SUN2: variants seen among roughly 807,000 people sequenced by gnomAD.
SUN2 encodes Sad1 and UNC84 domain containing 2.
SUN2 carries 60 observed loss-of-function variants against 100.0 expected under a neutral mutation model. The ratio of observed to expected loss-of-function variants is 0.60; its 90% CI spans 0.49 to 0.74. The LOEUF (loss-of-function observed/expected upper bound fraction) is 0.74. SUN2 is among the 30% of genes least tolerant of loss of function. The pLI, the probability that SUN2 is intolerant of heterozygous loss-of-function variation, is 0.00. For missense variants in SUN2, 834 were observed against 954.6 expected (o/e 0.87, Z 1.66); for synonymous variants, 367 against 403.3 (o/e 0.91, Z 1.08).
chr22:38,741,615 T>C (rs970676986), intron 9 of SUN2, 44 bp from the exon 10 acceptor site: 1 of 1,563,938 alleles, frequency 6.4e-7, no homozygotes, highest in African/African-American at 1.4e-5. Context: ...GAGCCATGCT[T>C]ATAGGGACCC....
chr22:38,735,434 AGACAGGTCTAGGTCTCCATACCCT>A lies in SUN2; in HGVS notation c.*809_*832del. ...TAACCCCAGATGCTAATGGCCCCAA[AGACAGGTCTAGGTCTCCATACCCT>A]GGGAGAATGTGGAAAGCAAGCTCAG... On this transcript the variant is annotated 3_prime_UTR_variant, in exon 18 of 18. Transcript: ENST00000689035. 1 of 339,078 alleles carries A rather than the reference AGACAGGTCTAGGTCTCCATACCCT, an allele frequency of 2.9e-6. No individual in the cohort carries two copies. The highest frequency in any genetic ancestry group is 5.8e-6 in the Non-Finnish European group (1 of 172,346). 21.0% of individuals were successfully genotyped at this position (339,078 alleles called of 1,614,324 possible). A position where few individuals can be genotyped will look rare whatever the true frequency, so the allele number is the denominator to read the frequency against.
Position 38,739,607 on chromosome 22 carries a change from C to T in SUN2, c.1578+115G>A. Reference sequence around the variant, plus strand: ...CCAGCCCCACAGCATGCAAAGCCTCCTGCTTGGCACTTCCATCCTGGAACC... The same window carrying T: ...CCAGCCCCACAGCATGCAAAGCCTCTTGCTTGGCACTTCCATCCTGGAACC... On this transcript the variant is annotated intron_variant, in intron 13 of 17. Coordinates refer to ENST00000689035, the MANE Select transcript of SUN2 (RefSeq NM_015374.3). This position sits in a 1 kb window ranked among gnomAD's most constrained non-coding sequence, Gnocchi z 6.7. 7.3e-7 allele frequency: 1 copy of T among 1,364,418 alleles called. No individual in the cohort carries two copies. The highest frequency in any genetic ancestry group is 1.3e-5 in the South Asian group (1 of 76,964). The allele number at this position is 1,364,418 out of a possible 1,614,324, so 84.5% of individuals were successfully genotyped here. A position where few individuals can be genotyped will look rare whatever the true frequency, so the allele number is the denominator to read the frequency against.
rs761298006 is a variant in SUN2, at chr22:38,751,011, C to A, written c.311G>T (p.Arg104Met). 6.2e-7 allele frequency: 1 copy of A among 1,613,494 alleles called. No individual in the cohort carries two copies. Among genetic ancestry groups the A allele is most frequent in the Admixed American group, 1.7e-5 (1 of 59,996 alleles). ...GCTCTCTGAGCCACCCGTGCCTCTC[C>A]TCCTCCGCACCCGCAGGTCCTCACC... is the stretch of plus-strand genomic sequence containing the variant. ...NWGEDLRVRR[R>M]RGTGGSESSR... The change falls in exon 4 of 18, where the codon AGG becomes ATG. Residue 104 changes from arginine (R) to methionine (M), a missense_variant. Physicochemically the swap from Arg to Met is moderately conservative, Grantham distance 91. Coordinates refer to ENST00000689035, the MANE Select transcript of SUN2 (RefSeq NM_015374.3).
intron 8 of SUN2, chr22:38,745,259 G>A: frequency 2.2e-6 from 1 of 460,742 alleles, no homozygotes; most frequent in Non-Finnish European, 4.5e-6. Flanking sequence ...GACCCCCCCA[G>A]CCAACTGCAG....
intron 8 of SUN2, among the ~76,000 whole-genome samples, chr22:38,745,302 A>G (rs2092894840): frequency 6.6e-6 from 1 of 152,178 alleles, no homozygotes; most frequent in Admixed American, 6.5e-5. Flanking sequence ...GTACGAGCCC[A>G]GCCAAGATTG....
At position 38,748,807 on chromosome 22, in the gene SUN2, C is replaced by A. The variant is rs757027686; in HGVS notation, c.615-24G>T. 8 of 1,613,636 alleles carry A rather than the reference C, an allele frequency of 5.0e-6. No individual in the cohort carries two copies. In the East Asian group the frequency reaches 1.3e-4, roughly 27 times the overall value. On this transcript the variant is annotated intron_variant, in intron 6 of 17. Transcript: ENST00000689035. Reference sequence around the variant, plus strand: ...GCCTGGACCACGCGGGAGGGCAGGACGGGGGAGGCGGAGGTGTGAGGGGAG... The same window carrying A: ...GCCTGGACCACGCGGGAGGGCAGGAAGGGGGAGGCGGAGGTGTGAGGGGAG...
chr22:38,754,689 T>G, intron 1 of SUN2: 1 of 1,283,414 alleles, frequency 7.8e-7, no homozygotes, highest in African/African-American at 1.6e-5. Flanking sequence ...GCCTCTGTCC[T>G]GCTGAAGGAG....
In SUN2 at chr22:38,736,276, G is replaced by A. The variant is rs199842876; in HGVS notation, c.2145C>T (p.Pro715=). Residue 715 remains proline (P), a synonymous_variant, in exon 18 of 18, where the codon CCC becomes CCT. Transcript: ENST00000689035. ...CIYRFRVHGE[P]AH ...GCACCAGTAAGCAGGGCTAGTGGGCGGGCTCCCCATGCACTCTGAAGCGGT... is the reference window on the plus strand; with the variant it reads ...GCACCAGTAAGCAGGGCTAGTGGGCAGGCTCCCCATGCACTCTGAAGCGGT... The A allele has an allele frequency of 1.6e-5, 26 of 1,612,708 alleles. No homozygotes were observed. The highest frequency in any genetic ancestry group is 1.3e-4 in the African/African-American group (10 of 75,010).
intron 6 of SUN2, 120 bp from the exon 7 acceptor site, chr22:38,748,903 A>C (rs1039390477): frequency 4.0e-6 from 4 of 1,003,864 alleles, no homozygotes; most frequent in Non-Finnish European, 4.7e-6. Context: ...AGAGCTAAGG[A>C]GGATAGCTTG....
At chr22:38,750,371 C>G (rs756778945) in intron 4 of SUN2, 51 bp from the exon 5 acceptor site, 2 of 1,607,380 alleles carry the variant, frequency 1.2e-6, no homozygotes, top group South Asian at 2.2e-5. Context: ...CGAGCCTCTT[C>G]CTTCACTGTC....
chr22:38,753,210 C>CTTTTTTTT lies in SUN2; in HGVS notation c.-37-553_-37-546dup, dbSNP rs869037443. On this transcript the variant is annotated intron_variant, in intron 1 of 17. Transcript: ENST00000689035. ...TTCCCATGTAGACCCCACCTATGTT[C>CTTTTTTTT]TTTTTTTTTTTTTTTTTTTTTTTGA... Among the ~76,000 whole-genome samples, 340 of 86,200 alleles carry CTTTTTTTT rather than the reference C, an allele frequency of 3.9e-3. 1 individual carries two copies. Among genetic ancestry groups the CTTTTTTTT allele is most frequent in the Non-Finnish European group, 4.8e-3 (222 of 46,536 alleles). The allele number at this position is 86,200 out of a possible 152,430, so 56.6% of individuals were successfully genotyped here. A position where few individuals can be genotyped will look rare whatever the true frequency, so the allele number is the denominator to read the frequency against.
chr22:38,739,198 G>A lies in SUN2; in HGVS notation c.1663+144C>T, dbSNP rs1003654974. 10 of 1,004,608 alleles carry A rather than the reference G, an allele frequency of 1.0e-5. No individual in the cohort carries two copies. In the African/African-American group the frequency reaches 1.6e-4, roughly 16 times the overall value. 62.2% of individuals were successfully genotyped at this position (1,004,608 alleles called of 1,614,324 possible). On this transcript the variant is annotated intron_variant, in intron 14 of 17. Coordinates refer to ENST00000689035, the MANE Select transcript of SUN2 (RefSeq NM_015374.3). This position sits in a 1 kb window ranked among gnomAD's most constrained non-coding sequence, Gnocchi z 6.7. ...TCCTGACTTCCCTGAATTGCCACTT[G>A]CCTTTGTCATGGGTACTAGGTTGGG... is the stretch of plus-strand genomic sequence containing the variant.
chr22:38,754,827 C>T (rs2092973426), intron 1 of SUN2: 9 of 1,286,270 alleles, frequency 7.0e-6, no homozygotes, highest in South Asian at 1.2e-5. Flanking sequence ...CACCCGCCTC[C>T]GCCCTCCCAG....
rs1272832870 is a variant in SUN2, at chr22:38,740,185, G to A, written c.1356+82C>T. The A allele has an allele frequency of 4.9e-6, 7 of 1,435,172 alleles. No homozygotes were observed. In the East Asian group the frequency reaches 1.5e-4, roughly 31 times the overall value. The allele number at this position is 1,435,172 out of a possible 1,614,324, so 88.9% of individuals were successfully genotyped here. A position where few individuals can be genotyped will look rare whatever the true frequency, so the allele number is the denominator to read the frequency against. ...CATAACAGAGGCTGCAGGGGCAAGG[G>A]GTGCTGCTTTGCAGGCCCCAGGACA... On this transcript the variant is annotated intron_variant, in intron 12 of 17. Transcript: ENST00000689035. This position sits in a 1 kb window ranked among gnomAD's most constrained non-coding sequence, Gnocchi z 4.8.
At position 38,745,934 on chromosome 22, in the gene SUN2, T is replaced by A. The variant is rs1183700769; in HGVS notation, c.686-123A>T. On this transcript the variant is annotated intron_variant, in intron 7 of 17. Transcript: ENST00000689035. Reference sequence around the variant, plus strand: ...TGTCCCACTCGTGGAGCTGTGCCCTTCCAGAGGCATCAGAGGGATGCAGGT... The same window carrying A: ...TGTCCCACTCGTGGAGCTGTGCCCTACCAGAGGCATCAGAGGGATGCAGGT... 5.6e-6 allele frequency: 8 copies of A among 1,417,304 alleles called. No individual in the cohort carries two copies. In the African/African-American group the frequency reaches 9.9e-5, roughly 18 times the overall value. The allele number at this position is 1,417,304 out of a possible 1,614,324, so 87.8% of individuals were successfully genotyped here. A position where few individuals can be genotyped will look rare whatever the true frequency, so the allele number is the denominator to read the frequency against.
rs1354512291 is a variant in SUN2, at chr22:38,735,170, C to G, written c.*1097G>C. 1 of 444,426 alleles carries G rather than the reference C, an allele frequency of 2.3e-6. No homozygotes were observed. Among genetic ancestry groups the G allele is most frequent in the African/African-American group, 2.0e-5 (1 of 49,242 alleles). The allele number at this position is 444,426 out of a possible 1,614,324, so 27.5% of individuals were successfully genotyped here. A position where few individuals can be genotyped will look rare whatever the true frequency, so the allele number is the denominator to read the frequency against. The stretch of plus-strand genomic sequence containing the variant: ...AAGTCCCCTCCTCCCCCTTCCCTAT[C>G]CAGGGTAACTTCTGCCAGCCTCTTC... On this transcript the variant is annotated 3_prime_UTR_variant, in exon 18 of 18. Transcript: ENST00000689035.
At chr22:38,754,820 C>T in intron 1 of SUN2, 1 of 1,284,734 alleles carries the variant, frequency 7.8e-7, no homozygotes, top group Non-Finnish European at 1.0e-6. Flanking sequence ...CTGTCAGCAC[C>T]CGCCTCCGCC....
chr22:38,739,573 C>T lies in SUN2; in HGVS notation c.1579-147G>A. The T allele has an allele frequency of 1.6e-6, 2 of 1,280,404 alleles. No homozygotes were observed. The highest frequency in any genetic ancestry group is 1.5e-5 in the African/African-American group (1 of 68,118). 79.3% of individuals were successfully genotyped at this position (1,280,404 alleles called of 1,614,324 possible). On this transcript the variant is annotated intron_variant, in intron 13 of 17. Transcript: ENST00000689035. The surrounding 1 kb of genome is among the most constrained non-coding windows in gnomAD (Gnocchi z 6.7). ...CAGGCAGATGTGGGCACACTGCCAC[C>T]CACCCATGCCAGCCCCACAGCATGC...
chr22:38,742,798 C>T (rs930255253), intron 8 of SUN2: 4 of 508,492 alleles, frequency 7.9e-6, no homozygotes, highest in East Asian at 3.4e-5. Context: ...GACACAGTAC[C>T]GAAGTCTGAT....
Sources: gnomAD v4.1 joint callset for allele counts (sites outside exome capture counted in the v4.1 genomes callset) on GRCh38, gnomAD v4.1.1 for gene constraint, Gnocchi (gnomAD v3.1) non-coding constraint, MANE v1.5 for transcripts, NCBI Gene and HGNC (gene_info 2026-07-23, HGNC 2026-07-21) for gene names.